The following DAAM2 variants were observed in gnomAD, a reference collection of about 807,000 sequenced individuals.
DAAM2 encodes the protein dishevelled associated activator of morphogenesis 2.
In DAAM2, 39 loss-of-function variants were observed where a neutral mutation model predicts 120.7. The ratio of observed to expected loss-of-function variants is 0.32; its 90% CI spans 0.25 to 0.42. The LOEUF (loss-of-function observed/expected upper bound fraction) is 0.42, where lower values mean the gene tolerates loss of function less well. Among genes scored for constraint, DAAM2 ranks in the 10% least tolerant of loss-of-function variants. The pLI is 1.00. For synonymous variants in DAAM2, 488 were observed against 524.9 expected (o/e 0.93, Z 0.96); for missense variants, 1,283 against 1,401.7 (o/e 0.92, Z 1.35).
At chr6:39,829,718 C>T (rs1465315142) in intron 1 of DAAM2, among the ~76,000 whole-genome samples, 4 of 152,174 alleles carry the variant, frequency 2.6e-5, no homozygotes, top group Admixed American at 6.5e-5. Context: ...ATATGCCTGT[C>T]CTCATTCTAG....
At chr6:39,796,022 G>C (rs1761689924) in intron 1 of DAAM2, among the ~76,000 whole-genome samples, 1 of 152,164 alleles carries the variant, frequency 6.6e-6, no homozygotes. Flanking sequence ...TCCTTGTCAA[G>C]GGTGCTCAGG....
chr6:39,878,383 C>T lies in DAAM2; in HGVS notation c.1361-21C>T, dbSNP rs1327115604. 2 of 1,609,760 alleles carry T rather than the reference C, an allele frequency of 1.2e-6. No individual in the cohort carries two copies. Among genetic ancestry groups the T allele is most frequent in the South Asian group, 1.1e-5 (1 of 90,412 alleles). ...CACATTCTCTCCTTCTGTTTCCTCT[C>T]CCGTCCCACCCCCATTCCAGAACAC... On this transcript the variant is annotated intron_variant, in intron 12 of 24. Transcript: ENST00000274867. This position sits in a 1 kb window ranked among gnomAD's most constrained non-coding sequence, Gnocchi z 5.0.
In DAAM2 at chr6:39,899,423, G is replaced by A. The variant is rs369281262; in HGVS notation, c.2679+486G>A. On this transcript the variant is annotated intron_variant, in intron 22 of 24. Transcript: ENST00000274867. ...TACTATCTCTGGCCCTAGCCTTCCA[G>A]AAAACACCAGTAGAGGAGTGGGGAA... 3.3e-5 allele frequency among the ~76,000 whole-genome samples: 5 copies of A among 152,178 alleles called. No individual in the cohort carries two copies. The East Asian group carries it at 9.6e-4, about 29-fold the overall frequency.
At position 39,897,299 on chromosome 6, in the gene DAAM2, A is replaced by G; in HGVS notation, c.2618+17A>G. ...CAAAGTCAAGTGAGGGTTCTCTCCA[A>G]GACTTCCTTCTCCCCATGATGACCC... On this transcript the variant is annotated intron_variant, in intron 21 of 24. Coordinates refer to ENST00000274867, the MANE Select transcript of DAAM2 (RefSeq NM_001201427.2). 1.3e-6 allele frequency: 2 copies of G among 1,489,552 alleles called. No individual in the cohort carries two copies. The highest frequency in any genetic ancestry group is 1.9e-6 in the Non-Finnish European group (2 of 1,067,596). The allele number at this position is 1,489,552 out of a possible 1,614,324, so 92.3% of individuals were successfully genotyped here.
rs769452736 is a variant in DAAM2 at position 39,868,917 on chromosome 6, A to G, written c.857A>G (p.Asn286Ser). 29 of 1,578,724 alleles carry G rather than the reference A, an allele frequency of 1.8e-5. No homozygotes were observed. Among genetic ancestry groups the G allele is most frequent in the East Asian group, 2.3e-5 (1 of 43,014 alleles). ...AIMSFINAVLNAGAGEDNLEF... is the reference protein window; with the variant it reads ...AIMSFINAVLSAGAGEDNLEF... Reference sequence around the variant, plus strand: ...ATGTCCTTCATCAATGCTGTCCTCAATGCTGGAGCTGGAGAGGTGGGGTGC... The same window carrying G: ...ATGTCCTTCATCAATGCTGTCCTCAGTGCTGGAGCTGGAGAGGTGGGGTGC... Residue 286 changes from asparagine (N) to serine (S), a missense_variant, in exon 7 of 25, where the codon AAT becomes AGT. Asn to Ser is a conservative substitution (Grantham distance 46, BLOSUM62 1). Transcript: ENST00000274867.
In DAAM2 at chr6:39,872,387, G is replaced by A. The variant is rs374894308; in HGVS notation, c.1044+815G>A. 7.2e-4 allele frequency among the ~76,000 whole-genome samples: 110 copies of A among 152,270 alleles called. 3 individuals carry two copies. In the South Asian group the frequency reaches 0.022, roughly 30 times the overall value. On this transcript the variant is annotated intron_variant, in intron 9 of 24. Transcript: ENST00000274867. ...CCCCGGGAAGGCATCGGCCTAGGAG[G>A]AGACTGAAACCCCCAAAGGAAAGGG...
rs186979828 is a variant in DAAM2 at position 39,903,831 on chromosome 6, A to G, written c.*1794A>G. 141 of 235,210 alleles carry G rather than the reference A, an allele frequency of 6.0e-4. No individual in the cohort carries two copies. The highest frequency in any genetic ancestry group is 3.0e-3 in the African/African-American group (130 of 44,034). The allele number at this position is 235,210 out of a possible 1,614,324, so 14.6% of individuals were successfully genotyped here. On this transcript the variant is annotated 3_prime_UTR_variant, in exon 25 of 25. Transcript: ENST00000274867. ...GGCGGTGTGTGTGTGTTCTGGTGGG[A>G]GGGATCTGAGCAAGTGCAAGCCTGG... is the stretch of plus-strand genomic sequence containing the variant.
intron 1 of DAAM2, among the ~76,000 whole-genome samples, chr6:39,816,194 C>T (rs1263556147): frequency 4.6e-5 from 7 of 152,338 alleles, no homozygotes; most frequent in Admixed American, 4.6e-4. Context: ...TGGGGCAGAG[C>T]CCAAGGCTGC....
At chr6:39,846,068 A>G (rs1000283582) in intron 1 of DAAM2, among the ~76,000 whole-genome samples, 4 of 152,100 alleles carry the variant, frequency 2.6e-5, no homozygotes, top group African/African-American at 9.7e-5. Flanking sequence ...AATGCATCCA[A>G]GGCGTTTTAG....
intron 17 of DAAM2, among the ~76,000 whole-genome samples, chr6:39,889,371 G>T (rs1331288941): frequency 1.3e-5 from 2 of 152,090 alleles, no homozygotes; most frequent in Non-Finnish European, 2.9e-5. Flanking sequence ...CACAATAAGG[G>T]GGCACCACAC....
At position 39,870,267 on chromosome 6, in the gene DAAM2, T is replaced by C. The variant is rs552880915; in HGVS notation, c.874-73T>C. On this transcript the variant is annotated intron_variant, in intron 7 of 24. Transcript: ENST00000274867. ...GTTGGGTCTGTGGCTAGGGTGGTGATGAGGGCTCCACTGGGGATGTTGTGG... is the reference window on the plus strand; with the variant it reads ...GTTGGGTCTGTGGCTAGGGTGGTGACGAGGGCTCCACTGGGGATGTTGTGG... The C allele has an allele frequency of 2.0e-4, 181 of 898,290 alleles. 1 individual carries two copies. The South Asian group carries it at 2.4e-3, about 12-fold the overall frequency. The allele number at this position is 898,290 out of a possible 1,614,324, so 55.6% of individuals were successfully genotyped here.
chr6:39,811,751 G>A (rs1039631095), intron 1 of DAAM2, among the ~76,000 whole-genome samples: 1 of 152,150 alleles, frequency 6.6e-6, no homozygotes, highest in African/African-American at 2.4e-5. Context: ...GGTTACTAGA[G>A]CTCTTGGCAG....
chr6:39,815,739 C>A lies in DAAM2; in HGVS notation c.-57+23274C>A, dbSNP rs1005418012. Among the ~76,000 whole-genome samples the A allele has an allele frequency of 4.6e-5, 7 of 151,802 alleles. No individual in the cohort carries two copies. The East Asian group carries it at 9.7e-4, about 21-fold the overall frequency. On this transcript the variant is annotated intron_variant, in intron 1 of 24. Coordinates refer to ENST00000274867, the MANE Select transcript of DAAM2 (RefSeq NM_001201427.2). ...GAACTTTATGGAGGTCTGGGGAGACCAAGGGTATTTGTATTACAACAATTC... is the reference window on the plus strand; with the variant it reads ...GAACTTTATGGAGGTCTGGGGAGACAAAGGGTATTTGTATTACAACAATTC...
intron 19 of DAAM2, among the ~76,000 whole-genome samples, chr6:39,896,450 G>A (rs1268578525): frequency 3.3e-5 from 5 of 152,104 alleles, no homozygotes; most frequent in Admixed American, 3.3e-4. Context: ...TGATCTCCCT[G>A]CCTCGGCCTC....
chr6:39,904,117 C>T lies in DAAM2; in HGVS notation c.*2080C>T. ...TCCACAAGCGTGTCTGGCATTCCCA[C>T]CCACCATGGAAGACTGGATACGCAC... On this transcript the variant is annotated 3_prime_UTR_variant, in exon 25 of 25. Coordinates refer to ENST00000274867, the MANE Select transcript of DAAM2 (RefSeq NM_001201427.2). 2.2e-6 allele frequency: 1 copy of T among 444,472 alleles called. No individual in the cohort carries two copies. Among genetic ancestry groups the T allele is most frequent in the Non-Finnish European group, 4.5e-6 (1 of 221,292 alleles). The allele number at this position is 444,472 out of a possible 1,614,324, so 27.5% of individuals were successfully genotyped here. A position where few individuals can be genotyped will look rare whatever the true frequency, so the allele number is the denominator to read the frequency against.
In DAAM2 at chr6:39,888,863, A is replaced by G. The variant is rs544759849; in HGVS notation, c.2145+100A>G. ...GGCTGCGATTCTTGGGTCAAGGAGA[A>G]ATCAGGCTGGAAGAGTTAGGGAGAA... is the stretch of plus-strand genomic sequence containing the variant. On this transcript the variant is annotated intron_variant, in intron 17 of 24. Transcript: ENST00000274867. 9 of 817,348 alleles carry G rather than the reference A, an allele frequency of 1.1e-5. No individual in the cohort carries two copies. In the South Asian group the frequency reaches 1.5e-4, roughly 14 times the overall value. 50.6% of individuals were successfully genotyped at this position (817,348 alleles called of 1,614,324 possible). A position where few individuals can be genotyped will look rare whatever the true frequency, so the allele number is the denominator to read the frequency against.
chr6:39,851,429 C>G (rs1244667112), intron 1 of DAAM2, among the ~76,000 whole-genome samples: 4 of 152,146 alleles, frequency 2.6e-5, no homozygotes, highest in Admixed American at 2.6e-4. Context: ...CCAGTTATCT[C>G]AGAGAGTTGT....
chr6:39,835,308 C>T (rs1046460262), intron 1 of DAAM2, among the ~76,000 whole-genome samples: 1 of 152,142 alleles, frequency 6.6e-6, no homozygotes, highest in Admixed American at 6.5e-5. Flanking sequence ...GTGTGTTTTC[C>T]ATGTCTGATA....
chr6:39,870,690 C>G (rs1413150592), intron 8 of DAAM2, among the ~76,000 whole-genome samples: 1 of 152,234 alleles, frequency 6.6e-6, no homozygotes, highest in Non-Finnish European at 1.5e-5. Flanking sequence ...GTACTTCCCC[C>G]TGGGGGGCAT....
Sources: allele counts gnomAD v4.1 joint callset (sites outside exome capture counted in the v4.1 genomes callset), GRCh38; gene constraint gnomAD v4.1.1; non-coding constraint Gnocchi (gnomAD v3.1); transcripts MANE v1.5; gene names NCBI Gene and HGNC (gene_info 2026-07-23, HGNC 2026-07-21).